AZIN1: variants seen among roughly 807,000 people sequenced by gnomAD.
AZIN1 encodes the protein antizyme inhibitor 1.
In AZIN1, 12 loss-of-function variants were observed where a neutral mutation model predicts 47.4. That is an observed-to-expected ratio of 0.25 (90% CI 0.16 to 0.41). The LOEUF (loss-of-function observed/expected upper bound fraction) is 0.41, where lower values mean the gene tolerates loss of function less well. Among genes scored for constraint, AZIN1 ranks in the 10% least tolerant of loss-of-function variants. AZIN1 has a pLI of 1.00. For synonymous variants in AZIN1, 155 were observed against 176.3 expected, an observed-to-expected ratio of 0.88 and a Z score of 0.96; for missense variants, 410 against 532.4, an observed-to-expected ratio of 0.77 and a Z score of 2.26.
intron 3 of AZIN1, among the ~76,000 whole-genome samples, chr8:102,841,421 A>G (rs1338255251): frequency 6.6e-6 from 1 of 152,216 alleles, no homozygotes; most frequent in Non-Finnish European, 1.5e-5. Flanking sequence ...TTCAAAGATT[A>G]TATCTGACCC....
intron 9 of AZIN1, among the ~76,000 whole-genome samples, chr8:102,832,343 A>G (rs557075026): frequency 6.6e-6 from 1 of 152,130 alleles, no homozygotes; most frequent in African/African-American, 2.4e-5. Flanking sequence ...TCTTAATGTA[A>G]AACAGTATTT....
At chr8:102,854,833 C>T (rs572418720) in intron 2 of AZIN1, among the ~76,000 whole-genome samples, 1 of 150,204 alleles carries the variant, frequency 6.7e-6, no homozygotes, top group Non-Finnish European at 1.5e-5. Context: ...CCCATTTAAG[C>T]AAATCAATTA....
intron 3 of AZIN1, among the ~76,000 whole-genome samples, chr8:102,840,716 A>T (rs143008009): frequency 7.9e-5 from 12 of 152,356 alleles, no homozygotes; most frequent in African/African-American, 2.9e-4. Context: ...CAGGCAAAAA[A>T]ATCTTATTTA....
At chr8:102,832,761 C>T (rs567353022) in intron 9 of AZIN1, among the ~76,000 whole-genome samples, 3 of 152,204 alleles carry the variant, frequency 2.0e-5, no homozygotes, top group East Asian at 1.9e-4. Flanking sequence ...GTGCCTCAGC[C>T]TCCCGAGTAG....
At chr8:102,852,089 T>C (rs1320455656) in intron 2 of AZIN1, among the ~76,000 whole-genome samples, 3 of 152,192 alleles carry the variant, frequency 2.0e-5, no homozygotes, top group Non-Finnish European at 2.9e-5. Context: ...GATTGTTTTG[T>C]CAGAATTTCC....
intron 2 of AZIN1, among the ~76,000 whole-genome samples, chr8:102,853,641 G>A (rs1813071230): frequency 6.6e-6 from 1 of 152,140 alleles, no homozygotes. Context: ...TATTCACATT[G>A]TGCTTTTACA....
chr8:102,862,209 A>G (rs1040842546), intron 1 of AZIN1, among the ~76,000 whole-genome samples: 1 of 152,194 alleles, frequency 6.6e-6, no homozygotes, highest in Admixed American at 6.5e-5. Context: ...GTGGGTTTAT[A>G]CTGATGTGAA....
chr8:102,846,536 GAAT>G (rs1340889790), intron 2 of AZIN1, among the ~76,000 whole-genome samples: 1 of 152,068 alleles, frequency 6.6e-6, no homozygotes, highest in Admixed American at 6.6e-5. Flanking sequence ...CTGAGGAATA[GAAT>G]AATTAAGTAG....
chr8:102,830,431 T>C (rs1238793041), intron 9 of AZIN1, among the ~76,000 whole-genome samples: 2 of 148,364 alleles, frequency 1.3e-5, no homozygotes, highest in Admixed American at 1.3e-4. Flanking sequence ...GAAAAAAGTA[T>C]TAAGATTCTA....
chr8:102,828,600 C>T lies in AZIN1; in HGVS notation c.1314G>A (p.Leu438=), dbSNP rs1236830185. ...NFFFVPSCIQ[L]SQEDSFSAEA ...CAGCGGAAAAGCTGTCTTCTTGGCT[C>T]AGCTGAATGCAAGAAGGCACAAAGA... Residue 438 remains leucine, a synonymous_variant, in exon 12 of 12, where the codon CTG becomes CTA. Transcript: ENST00000337198. 1.2e-6 allele frequency: 2 copies of T among 1,611,060 alleles called. No individual in the cohort carries two copies. Among genetic ancestry groups the T allele is most frequent in the East Asian group, 2.2e-5 (1 of 44,838 alleles).
intron 9 of AZIN1, among the ~76,000 whole-genome samples, chr8:102,830,986 T>A (rs902526521): frequency 3.9e-5 from 6 of 152,164 alleles, no homozygotes; most frequent in African/African-American, 1.4e-4. Flanking sequence ...AAAACGCCCA[T>A]TCTACTCACA....
intron 1 of AZIN1, among the ~76,000 whole-genome samples, chr8:102,863,460 G>C (rs1813882543): frequency 6.6e-6 from 1 of 151,728 alleles, no homozygotes; most frequent in African/African-American, 2.4e-5. Flanking sequence ...CCACGGGAGA[G>C]GGGTGGGGGC....
chr8:102,829,023 C>A (rs1339738520), intron 11 of AZIN1, among the ~76,000 whole-genome samples: 1 of 152,186 alleles, frequency 6.6e-6, no homozygotes, highest in Non-Finnish European at 1.5e-5. Flanking sequence ...AACAGAGTAA[C>A]ATGCTGTACA....
rs1811163931 is a variant in AZIN1, at chr8:102,827,220, T to C, written c.*1347A>G. ...TAAGTTAGGAAAAAATGACCCCTGT[T>C]GTTTATTACTATTGTGATTCTGAGA... On this transcript the variant is annotated 3_prime_UTR_variant, in exon 12 of 12. Coordinates refer to ENST00000337198, the MANE Select transcript of AZIN1 (RefSeq NM_148174.4). 1 of 152,590 alleles carries C rather than the reference T, an allele frequency of 6.6e-6. No homozygotes were observed. Among genetic ancestry groups the C allele is most frequent in the African/African-American group, 2.4e-5 (1 of 41,446 alleles). The allele number at this position is 152,590 out of a possible 1,614,324, so 9.5% of individuals were successfully genotyped here. A position where few individuals can be genotyped will look rare whatever the true frequency, so the allele number is the denominator to read the frequency against.
chr8:102,839,981 T>C (rs1397018671), intron 3 of AZIN1, among the ~76,000 whole-genome samples, 158 bp from the exon 4 acceptor site: 1 of 152,252 alleles, frequency 6.6e-6, no homozygotes, highest in Non-Finnish European at 1.5e-5. Flanking sequence ...CTAGATTTAG[T>C]AAACATTAAA....
Position 102,834,649 on chromosome 8 carries a change from TAAAAG to T in AZIN1, c.666+12_666+16del, listed in dbSNP as rs373718982. 3.0e-5 allele frequency: 47 copies of T among 1,562,890 alleles called. No individual in the cohort carries two copies. Among genetic ancestry groups the T allele is most frequent in the African/African-American group, 2.9e-4 (21 of 73,156 alleles). ...GCTAAAATAAAATATCAAAATAACT[TAAAAG>T]AAAGAACTTACAGCCATGTCAAACA... On this transcript the variant is annotated intron_variant, in intron 7 of 11. Coordinates refer to ENST00000337198, the MANE Select transcript of AZIN1 (RefSeq NM_148174.4).
At chr8:102,842,490 C>G (rs946278173) in intron 3 of AZIN1, among the ~76,000 whole-genome samples, 5 of 151,590 alleles carry the variant, frequency 3.3e-5, no homozygotes, top group Admixed American at 6.6e-5. Flanking sequence ...CGGATCACCT[C>G]AGGTCAGGAG....
rs76513872 is a variant in AZIN1 at position 102,864,134 on chromosome 8, A to C, written c.-561T>G. ...GCGACGGCAGAAGAAAAAAGGAAAA[A>C]CTGCGGCCGCGATCAGAGCCTGAAA... On this transcript the variant is annotated 5_prime_UTR_variant, in exon 1 of 12. Coordinates refer to ENST00000337198, the MANE Select transcript of AZIN1 (RefSeq NM_148174.4). The C allele has an allele frequency of 9.0e-3, 1,533 of 171,020 alleles. 21 individuals carry two copies. Among genetic ancestry groups the C allele is most frequent in the Admixed American group, 0.019 (291 of 15,378 alleles). The allele number at this position is 171,020 out of a possible 1,614,324, so 10.6% of individuals were successfully genotyped here.
chr8:102,829,743 A>G, intron 10 of AZIN1, 78 bp downstream of exon 10: 2 of 1,138,918 alleles, frequency 1.8e-6, no homozygotes, highest in Non-Finnish European at 2.6e-6. Context: ...GTTTTTCAAA[A>G]AACTGGGAAG....
Sources: gnomAD v4.1 joint callset for allele counts (sites outside exome capture counted in the v4.1 genomes callset) on GRCh38, gnomAD v4.1.1 for gene constraint, MANE v1.5 for transcripts, NCBI Gene and HGNC (gene_info 2026-07-23, HGNC 2026-07-21) for gene names.